GLT1D1: variants seen among roughly 807,000 people sequenced by gnomAD.
GLT1D1 encodes the protein glycosyltransferase 1 domain containing 1.
A neutral mutation model predicts 28.7 loss-of-function variants in GLT1D1; 21 were observed. That is an observed-to-expected ratio of 0.73 (90% CI 0.52 to 1.05). The LOEUF is 1.05. GLT1D1 is among the 50% of genes least tolerant of loss of function. The pLI is 0.00. For synonymous variants in GLT1D1, 147 were observed against 124.8 expected (o/e 1.18, Z -1.19); for missense variants, 343 against 330.6 (o/e 1.04, Z -0.29).
intron 7 of GLT1D1, among the ~76,000 whole-genome samples, chr12:128,975,033 C>A (rs1271706676): frequency 2.1e-5 from 3 of 145,314 alleles, no homozygotes; most frequent in Non-Finnish European, 3.1e-5. Flanking sequence ...TGTTTAGTGC[C>A]CCCCCGCACC....
intron 1 of GLT1D1, among the ~76,000 whole-genome samples, chr12:128,860,322 G>A (rs11059981): frequency 0.016 from 2,464 of 152,298 alleles, 152 homozygotes; most frequent in East Asian, 0.11. Flanking sequence ...TTAGCCAGGC[G>A]TGTTGGCTGG....
At chr12:128,961,381 A>G (rs887671527) in intron 7 of GLT1D1, among the ~76,000 whole-genome samples, 1 of 152,160 alleles carries the variant, frequency 6.6e-6, no homozygotes, top group Non-Finnish European at 1.5e-5. Context: ...TCAAAGCGCC[A>G]CTCACAATCA....
chr12:128,910,668 A>G (rs1041033441), intron 4 of GLT1D1, among the ~76,000 whole-genome samples: 10 of 148,616 alleles, frequency 6.7e-5, no homozygotes, highest in Non-Finnish European at 1.2e-4. Flanking sequence ...TCTAATTTCA[A>G]TGGTCGCCTT....
chr12:128,971,094 G>A (rs1878997866), intron 7 of GLT1D1, among the ~76,000 whole-genome samples: 1 of 152,208 alleles, frequency 6.6e-6, no homozygotes, highest in Non-Finnish European at 1.5e-5. Flanking sequence ...GATGACAGCA[G>A]TCATCCCGCC....
chr12:128,856,672 C>A (rs1158657184), intron 1 of GLT1D1, among the ~76,000 whole-genome samples: 1 of 152,032 alleles, frequency 6.6e-6, no homozygotes, highest in Non-Finnish European at 1.5e-5. Context: ...GGGGCCAGTG[C>A]TAGGAAATGA....
intron 4 of GLT1D1, among the ~76,000 whole-genome samples, chr12:128,923,183 C>T (rs1237155231): frequency 6.6e-6 from 1 of 152,006 alleles, no homozygotes; most frequent in East Asian, 1.9e-4. Flanking sequence ...TATTCTTGTT[C>T]AAGATTTGGA....
At chr12:128,862,328 CAAAA>C (rs34391238) in intron 1 of GLT1D1, among the ~76,000 whole-genome samples, 1 of 88,048 alleles carries the variant, frequency 1.1e-5, no homozygotes, top group Non-Finnish European at 2.2e-5. Flanking sequence ...GACTCTGTCT[CAAAA>C]AAAAAAAAAA....
At chr12:128,943,228 T>G (rs1419642531) in intron 4 of GLT1D1, among the ~76,000 whole-genome samples, 3 of 152,268 alleles carry the variant, frequency 2.0e-5, no homozygotes, top group Non-Finnish European at 4.4e-5. Context: ...TTGGCACACC[T>G]GTTTACTAAT....
At chr12:128,870,127 T>C (rs1441736970) in intron 1 of GLT1D1, among the ~76,000 whole-genome samples, 1 of 152,028 alleles carries the variant, frequency 6.6e-6, no homozygotes, top group Non-Finnish European at 1.5e-5. Flanking sequence ...GCCAGGCTGG[T>C]CTCAAACTCC....
chr12:128,914,947 C>G (rs1213676759), intron 4 of GLT1D1: 5 of 1,536,074 alleles, frequency 3.3e-6, no homozygotes, highest in Admixed American at 3.9e-5. Context: ...TGCAACAACA[C>G]CAAACGCCGC....
chr12:128,910,637 T>G (rs1357434237), intron 4 of GLT1D1, among the ~76,000 whole-genome samples: 1 of 151,736 alleles, frequency 6.6e-6, no homozygotes, highest in Non-Finnish European at 1.5e-5. Flanking sequence ...AAGGAGTAGT[T>G]TAGGGCTCTG....
chr12:128,867,629 G>A (rs568171003), intron 1 of GLT1D1, among the ~76,000 whole-genome samples: 1 of 152,070 alleles, frequency 6.6e-6, no homozygotes, highest in African/African-American at 2.4e-5. Flanking sequence ...CCTCTGCCTC[G>A]GGGGTCCCCC....
At chr12:128,945,491 A>G (rs1769012179) in intron 5 of GLT1D1, 122 bp downstream of exon 9, 1 of 846,054 alleles carries the variant, frequency 1.2e-6, no homozygotes, top group South Asian at 1.3e-5. Flanking sequence ...CTGTTTCCTC[A>G]TGCATCTTCC....
At chr12:128,973,179 G>GTTTTTTTTTTTTTTTTTTGTTTTTTT (rs1879371603) in intron 7 of GLT1D1, among the ~76,000 whole-genome samples, 1 of 50,958 alleles carries the variant, frequency 2.0e-5, no homozygotes, top group African/African-American at 6.0e-5. Context: ...TGTTTGCTTG[G>GTTTTTTTTTTTTTTTTTTGTTTTTTT]TTTTTTTTTT....
At chr12:128,976,723 C>T (rs1879797811) in intron 7 of GLT1D1, among the ~76,000 whole-genome samples, 1 of 152,212 alleles carries the variant, frequency 6.6e-6, no homozygotes, top group Non-Finnish European at 1.5e-5. Flanking sequence ...TTAAATCTGC[C>T]AGCCCCAGCA....
At chr12:128,876,501 G>T (rs1956874612) in intron 2 of GLT1D1, among the ~76,000 whole-genome samples, 1 of 151,532 alleles carries the variant, frequency 6.6e-6, no homozygotes, top group South Asian at 2.1e-4. Flanking sequence ...TTTTTTCAGG[G>T]ATAGGGTTTC....
At chr12:128,944,480 G>A (rs1307705031) in intron 4 of GLT1D1, 3 of 1,270,996 alleles carry the variant, frequency 2.4e-6, no homozygotes, top group South Asian at 2.4e-5. Flanking sequence ...CGCTGAATGA[G>A]CGGCTCCCCT....
At chr12:128,904,061 G>C (rs1427183301) in intron 4 of GLT1D1, among the ~76,000 whole-genome samples, 4 of 151,804 alleles carry the variant, frequency 2.6e-5, no homozygotes, top group African/African-American at 9.7e-5. Flanking sequence ...TCAGGCATGT[G>C]TAGAAGTAGC....
At chr12:128,917,678 T>C (rs1158167260) in intron 4 of GLT1D1, among the ~76,000 whole-genome samples, 1 of 152,114 alleles carries the variant, frequency 6.6e-6, no homozygotes, top group Non-Finnish European at 1.5e-5. Context: ...GCTAAAGACT[T>C]GAAACAAGAA....
Sources: allele counts gnomAD v4.1 joint callset (sites outside exome capture counted in the v4.1 genomes callset), GRCh38; gene constraint gnomAD v4.1.1; transcripts MANE v1.5; gene names NCBI Gene and HGNC (gene_info 2026-07-23, HGNC 2026-07-21).